Variants in BPHL observed in about 807,000 individuals in gnomAD.
BPHL encodes biphenyl hydrolase like, also known as serine hydrolase BPHL.
A neutral mutation model predicts 31.2 loss-of-function variants in BPHL; 27 were observed. The ratio of observed to expected loss-of-function variants is 0.87; its 90% CI spans 0.64 to 1.19. The LOEUF (loss-of-function observed/expected upper bound fraction) is 1.19, where lower values mean the gene tolerates loss of function less well. Ranked by LOEUF, BPHL falls within the 50% of genes most tolerant of loss-of-function variation. The pLI is 0.00. For synonymous variants in BPHL, 150 were observed against 146.8 expected (o/e 1.02, Z -0.16); for missense variants, 356 against 375.7 (o/e 0.95, Z 0.43).
In BPHL at chr6:3,149,107, C is replaced by G. The variant is rs1762457175; in HGVS notation, c.789-3381C>G. Among the ~76,000 whole-genome samples the G allele has an allele frequency of 6.6e-6, 1 of 152,152 alleles. No individual in the cohort carries two copies. Among genetic ancestry groups the G allele is most frequent in the African/African-American group, 2.4e-5 (1 of 41,412 alleles). ...TCAGAATGATTCTATGGGGTAGATT[C>G]TATTACTGTCCGCATTTTCCAGATG... On this transcript the variant is annotated intron_variant, in intron 6 of 6. Transcript: ENST00000380379. This position sits in a 1 kb window ranked among gnomAD's most constrained non-coding sequence, Gnocchi z 4.6.
At chr6:3,136,264 C>T (rs1322799048) in intron 4 of BPHL, among the ~76,000 whole-genome samples, 1 of 152,222 alleles carries the variant, frequency 6.6e-6, no homozygotes, top group South Asian at 2.1e-4. Context: ...CTCTCCCTTA[C>T]CCTCCGCCCC....
rs1762562877 is a variant in BPHL, at chr6:3,152,845, A to G, written c.*270A>G. ...AGTTCAAGACCAGCTTGTGCAATAT[A>G]GGGAGACTCCGGCTCTACAAAAAAG... On this transcript the variant is annotated 3_prime_UTR_variant, in exon 7 of 7. Coordinates refer to ENST00000380379, the MANE Select transcript of BPHL (RefSeq NM_004332.4). 1 of 294,900 alleles carries G rather than the reference A, an allele frequency of 3.4e-6. No homozygotes were observed. 18.3% of individuals were successfully genotyped at this position (294,900 alleles called of 1,614,324 possible).
chr6:3,127,746 A>G (rs1761755945), intron 3 of BPHL, among the ~76,000 whole-genome samples: 1 of 152,006 alleles, frequency 6.6e-6, no homozygotes, highest in African/African-American at 2.4e-5. Flanking sequence ...ATGTCAATAA[A>G]TATGCATTTA....
At chr6:3,144,394 T>TTTTTTTTTG (rs1554121586) in intron 6 of BPHL, among the ~76,000 whole-genome samples, 5 of 135,136 alleles carry the variant, frequency 3.7e-5, no homozygotes, top group Non-Finnish European at 6.5e-5. Flanking sequence ...TTTTTTTGTT[T>TTTTTTTTTG]TTTTTTTTAA....
intron 4 of BPHL, among the ~76,000 whole-genome samples, chr6:3,133,100 A>G (rs989825579): frequency 6.6e-6 from 1 of 152,204 alleles, no homozygotes; most frequent in East Asian, 1.9e-4. Context: ...CGTGAGCTAA[A>G]GTCTTTAACA....
At chr6:3,119,041 G>A (rs1761480800) in intron 1 of BPHL, among the ~76,000 whole-genome samples, 194 bp downstream of exon 1, 1 of 152,224 alleles carries the variant, frequency 6.6e-6, no homozygotes, top group Non-Finnish European at 1.5e-5. Context: ...CGAGCCCCTC[G>A]ATCGTGCATG....
At chr6:3,143,665 G>A (rs764278663) in intron 6 of BPHL, among the ~76,000 whole-genome samples, 7 of 152,182 alleles carry the variant, frequency 4.6e-5, no homozygotes, top group Non-Finnish European at 8.8e-5. Context: ...TACAGCGGTC[G>A]TAATAGATTA....
intron 5 of BPHL, chr6:3,138,508 A>T (rs557273970): frequency 4.6e-5 from 7 of 153,012 alleles, no homozygotes; most frequent in African/African-American, 1.7e-4. Context: ...AATGGTTGTG[A>T]TTGAAGGACC....
rs1762573914 is a variant in BPHL at position 3,153,303 on chromosome 6, C to G, written c.*728C>G. ...TGTGTTTTTATTTGTGTTTATCTATCATATTCAAAGAGAAGTAGGGAGAGT... is the reference window on the plus strand; with the variant it reads ...TGTGTTTTTATTTGTGTTTATCTATGATATTCAAAGAGAAGTAGGGAGAGT... On this transcript the variant is annotated 3_prime_UTR_variant, in exon 7 of 7. Transcript: ENST00000380379. 6.2e-6 allele frequency: 1 copy of G among 162,094 alleles called. No individual in the cohort carries two copies. The highest frequency in any genetic ancestry group is 1.4e-5 in the Non-Finnish European group (1 of 73,240). 10.0% of individuals were successfully genotyped at this position (162,094 alleles called of 1,614,324 possible).
At chr6:3,131,132 C>T (rs1351879886) in intron 4 of BPHL, among the ~76,000 whole-genome samples, 1 of 152,168 alleles carries the variant, frequency 6.6e-6, no homozygotes, top group East Asian at 1.9e-4. Context: ...TGGTTACTAT[C>T]TTCCCATTCT....
At chr6:3,133,112 C>T (rs1026092258) in intron 4 of BPHL, among the ~76,000 whole-genome samples, 14 of 152,162 alleles carry the variant, frequency 9.2e-5, no homozygotes, top group African/African-American at 2.2e-4. Flanking sequence ...TCTTTAACAA[C>T]GTGATATCCA....
At chr6:3,152,250 G>C (rs545363662) in intron 6 of BPHL, among the ~76,000 whole-genome samples, 1 of 152,178 alleles carries the variant, frequency 6.6e-6, no homozygotes, top group Non-Finnish European at 1.5e-5. Flanking sequence ...ATGTGTGTCT[G>C]CTACTGTTAA....
intron 4 of BPHL, among the ~76,000 whole-genome samples, chr6:3,134,763 C>T (rs1351790825): frequency 1.3e-5 from 2 of 151,860 alleles, no homozygotes; most frequent in East Asian, 1.9e-4. Flanking sequence ...CCACCACGCC[C>T]GGCTATTTTT....
chr6:3,124,688 C>T (rs1462462931), intron 2 of BPHL, among the ~76,000 whole-genome samples: 1 of 152,158 alleles, frequency 6.6e-6, no homozygotes, highest in Admixed American at 6.5e-5. Flanking sequence ...TGTACATGTT[C>T]AGTACAGACC....
At chr6:3,146,499 TG>T (rs1374794960) in intron 6 of BPHL, among the ~76,000 whole-genome samples, 12 of 86,786 alleles carry the variant, frequency 1.4e-4, no homozygotes, top group African/African-American at 4.8e-4. Flanking sequence ...AGTGCTGGTT[TG>T]GGGTGGAGTG....
At chr6:3,123,858 T>C (rs948021421) in intron 2 of BPHL, 98 bp downstream of exon 2, 2 of 1,001,288 alleles carry the variant, frequency 2.0e-6, no homozygotes, top group Non-Finnish European at 2.9e-6. Context: ...TTTTAGTGCT[T>C]TTTTGAAATG....
chr6:3,118,821 A>G lies in BPHL; in HGVS notation c.81A>G (p.Pro27=). The G allele has an allele frequency of 8.0e-7, 1 of 1,243,144 alleles. No homozygotes were observed. Among genetic ancestry groups the G allele is most frequent in the Non-Finnish European group, 1.0e-6 (1 of 991,174 alleles). 77.0% of individuals were successfully genotyped at this position (1,243,144 alleles called of 1,614,324 possible). ...LSALKPGIHV[P]RAGPAAAFGT... Reference sequence around the variant, plus strand: ...CGCTGAAGCCCGGGATCCACGTCCCACGGGCCGGACCCGCGGCCGCGTTCG... The same window carrying G: ...CGCTGAAGCCCGGGATCCACGTCCCGCGGGCCGGACCCGCGGCCGCGTTCG... Residue 27 remains proline (P), a synonymous_variant, in exon 1 of 7, where the codon CCA becomes CCG. Transcript: ENST00000380379.
intron 1 of BPHL, among the ~76,000 whole-genome samples, chr6:3,120,450 G>A (rs985196107): frequency 6.6e-6 from 1 of 152,086 alleles, no homozygotes; most frequent in Non-Finnish European, 1.5e-5. Flanking sequence ...TCTGGATTTT[G>A]TACGGCCGTT....
At chr6:3,129,252 C>T in intron 4 of BPHL, 54 bp downstream of exon 4, 1 of 1,487,586 alleles carries the variant, frequency 6.7e-7, no homozygotes, top group Non-Finnish European at 8.9e-7. Flanking sequence ...CCTCTCTCCG[C>T]ATCTCATCTC....
Sources: allele counts gnomAD v4.1 joint callset (sites outside exome capture counted in the v4.1 genomes callset), GRCh38; gene constraint gnomAD v4.1.1; non-coding constraint Gnocchi (gnomAD v3.1); transcripts MANE v1.5; gene names NCBI Gene and HGNC (gene_info 2026-07-23, HGNC 2026-07-21).